Variants in NTM observed in about 807,000 individuals in gnomAD.
NTM encodes the protein IgLON family member 2.
NTM carries 13 observed loss-of-function variants against 42.1 expected under a neutral mutation model. That is an observed-to-expected ratio of 0.31 (90% CI 0.20 to 0.49). The LOEUF is 0.49. Among genes scored for constraint, NTM ranks in the 20% least tolerant of loss-of-function variants. NTM has a pLI of 0.99. For missense variants in NTM, 373 were observed against 452.8 expected, an observed-to-expected ratio of 0.82 and a Z score of 1.60; for synonymous variants, 187 against 179.2, an observed-to-expected ratio of 1.04 and a Z score of -0.35.
intron 2 of NTM, among the ~76,000 whole-genome samples, chr11:132,132,750 AGGCTTGTCG>A (rs2067055161): frequency 6.6e-6 from 1 of 152,182 alleles, no homozygotes; most frequent in Non-Finnish European, 1.5e-5. Context: ...CTACGGACTC[AGGCTTGTCG>A]CAACACAATG....
At chr11:132,234,954 A>T (rs963963683) in intron 4 of NTM, among the ~76,000 whole-genome samples, 1 of 152,244 alleles carries the variant, frequency 6.6e-6, no homozygotes, top group African/African-American at 2.4e-5. Context: ...TGAAACAGAT[A>T]TTGAATTAAA....
At chr11:131,471,419 GA>G (rs1340943341) in intron 1 of NTM, among the ~76,000 whole-genome samples, 1 of 152,182 alleles carries the variant, frequency 6.6e-6, no homozygotes, top group Non-Finnish European at 1.5e-5. Context: ...CACGTATGGG[GA>G]AAAGACAGAT....
At chr11:131,375,631 G>A (rs748446093) in intron 1 of NTM, among the ~76,000 whole-genome samples, 4 of 152,248 alleles carry the variant, frequency 2.6e-5, no homozygotes, top group East Asian at 1.9e-4. Context: ...GGACTGCAGC[G>A]TGAATGGTGG....
chr11:131,436,102 T>C (rs914386750), intron 1 of NTM, among the ~76,000 whole-genome samples: 9 of 152,338 alleles, frequency 5.9e-5, no homozygotes, highest in East Asian at 1.9e-4. Flanking sequence ...TTGATTTGCA[T>C]ATGTTCAACC....
chr11:131,900,669 A>AAG (rs917270417), intron 1 of NTM, among the ~76,000 whole-genome samples: 11 of 150,620 alleles, frequency 7.3e-5, no homozygotes, highest in South Asian at 2.1e-4. Context: ...GAGAGAGAGA[A>AAG]AGAGAGAGAG....
intron 1 of NTM, among the ~76,000 whole-genome samples, chr11:131,456,419 T>C (rs898979791): frequency 6.6e-6 from 1 of 152,040 alleles, no homozygotes; most frequent in Non-Finnish European, 1.5e-5. Context: ...ATTCACACCT[T>C]CTCTGCTTCA....
chr11:131,692,393 C>G (rs1020388375), intron 1 of NTM, among the ~76,000 whole-genome samples: 9 of 149,278 alleles, frequency 6.0e-5, no homozygotes, highest in Non-Finnish European at 1.3e-4. Context: ...ACAGGGCTAG[C>G]CTATCTCCCA....
chr11:131,391,495 G>A (rs531623927), intron 1 of NTM, among the ~76,000 whole-genome samples: 1 of 151,310 alleles, frequency 6.6e-6, no homozygotes, highest in East Asian at 1.9e-4. Flanking sequence ...AAACATTCTC[G>A]CAAGCAGAGC....
chr11:132,075,880 G>A (rs2136218279), intron 2 of NTM, among the ~76,000 whole-genome samples: 1 of 152,264 alleles, frequency 6.6e-6, no homozygotes, highest in South Asian at 2.1e-4. Flanking sequence ...TTGAAAATTG[G>A]CTGAAAATCT....
chr11:131,383,066 C>T (rs868490287), intron 1 of NTM, among the ~76,000 whole-genome samples: 1 of 152,150 alleles, frequency 6.6e-6, no homozygotes, highest in Admixed American at 6.5e-5. Flanking sequence ...TTTATTGCCC[C>T]TGTGTCCATT....
chr11:131,926,181 C>T (rs148731951), intron 2 of NTM, among the ~76,000 whole-genome samples: 74 of 152,192 alleles, frequency 4.9e-4, no homozygotes, highest in East Asian at 2.1e-3. Context: ...TCCTCGCTGA[C>T]GATGTTGTTC....
rs140239234 is a variant in NTM, at chr11:132,011,748, C to G, written c.167+100100C>G. 1.8e-4 allele frequency among the ~76,000 whole-genome samples: 28 copies of G among 152,218 alleles called. No homozygotes were observed. The East Asian group carries it at 5.0e-3, about 27-fold the overall frequency. ...TATTCCAACCCAAGCCCATCTGATTCCAAAATTTAGGTTCTCTCTAGTACC... is the reference window on the plus strand; with the variant it reads ...TATTCCAACCCAAGCCCATCTGATTGCAAAATTTAGGTTCTCTCTAGTACC... On this transcript the variant is annotated intron_variant, in intron 2 of 8. Transcript: ENST00000683400.
chr11:131,426,856 C>T (rs1948180020), intron 1 of NTM, among the ~76,000 whole-genome samples: 1 of 152,064 alleles, frequency 6.6e-6, no homozygotes, highest in African/African-American at 2.4e-5. Flanking sequence ...GTCAACATTC[C>T]TCCTCCTCTA....
At chr11:132,088,701 G>A (rs540809102) in intron 2 of NTM, among the ~76,000 whole-genome samples, 1 of 152,236 alleles carries the variant, frequency 6.6e-6, no homozygotes, top group South Asian at 2.1e-4. Context: ...TTCCTTTACA[G>A]GGCATGTGCT....
intron 1 of NTM, among the ~76,000 whole-genome samples, chr11:131,544,796 G>A (rs367947096): frequency 6.6e-6 from 1 of 152,192 alleles, no homozygotes; most frequent in Non-Finnish European, 1.5e-5. Context: ...GCCTCCTGGG[G>A]GCGCCGCTTG....
chr11:131,897,879 C>A (rs529318869), intron 1 of NTM, among the ~76,000 whole-genome samples: 23 of 152,130 alleles, frequency 1.5e-4, no homozygotes, highest in Non-Finnish European at 2.9e-5. Context: ...GCATTTGTGT[C>A]GTGTCAATTT....
chr11:132,303,823 T>C (rs550454290), intron 4 of NTM, among the ~76,000 whole-genome samples: 10 of 151,992 alleles, frequency 6.6e-5, no homozygotes, highest in African/African-American at 2.4e-4. Context: ...GGTGGCGTGG[T>C]ATACCAGTTG....
At chr11:131,475,902 C>T (rs1455341073) in intron 1 of NTM, among the ~76,000 whole-genome samples, 1 of 152,140 alleles carries the variant, frequency 6.6e-6, no homozygotes. Context: ...GATAAAGACA[C>T]ATTCAAAATA....
At chr11:131,495,932 C>G (rs1366704890) in intron 1 of NTM, among the ~76,000 whole-genome samples, 1 of 152,220 alleles carries the variant, frequency 6.6e-6, no homozygotes, top group African/African-American at 2.4e-5. Context: ...GTCAGTTTAT[C>G]AAAAGGATGT....
Sources: allele counts gnomAD v4.1 joint callset (sites outside exome capture counted in the v4.1 genomes callset), GRCh38; gene constraint gnomAD v4.1.1; transcripts MANE v1.5; gene names NCBI Gene and HGNC (gene_info 2026-07-23, HGNC 2026-07-21).